Variants in SLC18A1 observed in about 807,000 individuals in gnomAD.
SLC18A1 encodes the protein solute carrier family 18 member A1.
Under a neutral mutation model 53.7 loss-of-function variants are expected in SLC18A1, and 69 were observed. That is an observed-to-expected ratio of 1.28 (90% CI 1.06 to 1.57). SLC18A1 has a LOEUF of 1.57. Among genes scored for constraint, SLC18A1 ranks in the 40% most tolerant of loss-of-function variants. SLC18A1 has a pLI of 0.00. For missense variants in SLC18A1, 932 were observed against 668.1 expected, an observed-to-expected ratio of 1.40 and a Z score of -4.35; for synonymous variants, 320 against 248.1, an observed-to-expected ratio of 1.29 and a Z score of -2.72.
At chr8:20,160,874 G>A (rs926238468) in intron 10 of SLC18A1, among the ~76,000 whole-genome samples, 1 of 151,952 alleles carries the variant, frequency 6.6e-6, no homozygotes, top group African/African-American at 2.4e-5. Flanking sequence ...ATGGAGAAAG[G>A]GCATTTGAGA....
chr8:20,174,268 A>G, intron 5 of SLC18A1, 93 bp downstream of exon 5: 1 of 978,666 alleles, frequency 1.0e-6, no homozygotes, highest in Non-Finnish European at 1.6e-6. Context: ...ATTTTCCTTA[A>G]TTTCTCCATG....
intron 8 of SLC18A1, among the ~76,000 whole-genome samples, chr8:20,166,526 G>A (rs1355805944): frequency 6.6e-6 from 1 of 151,472 alleles, no homozygotes; most frequent in Non-Finnish European, 1.5e-5. Context: ...ACACAGGAAA[G>A]ACAAACCAGA....
chr8:20,166,037 G>A lies in SLC18A1; in HGVS notation c.859-930C>T, dbSNP rs79697347. Among the ~76,000 whole-genome samples the A allele has an allele frequency of 6.1e-3, 924 of 151,956 alleles. 10 individuals are homozygous for A. The highest frequency in any genetic ancestry group is 0.021 in the African/African-American group (887 of 41,398). ...TCATTCGCTTACCCAATTATTATTC[G>A]AAGTAAAGAAACTGATGTAAATCAT... On this transcript the variant is annotated intron_variant, in intron 8 of 15. Coordinates refer to ENST00000276373, the MANE Select transcript of SLC18A1 (RefSeq NM_003053.4).
rs2072206667 is a variant in SLC18A1, at chr8:20,174,442, A to G, written c.550T>C (p.Phe184Leu). 2 of 1,612,640 alleles carry G rather than the reference A, an allele frequency of 1.2e-6. No homozygotes were observed. Among genetic ancestry groups the G allele is most frequent in the African/African-American group, 2.7e-5 (2 of 74,874 alleles). Residue 184 changes from phenylalanine (F) to leucine (L), a missense_variant and splice_region_variant, in exon 5 of 16, where the codon TTT (phenylalanine) becomes CTT (leucine). Coordinates refer to ENST00000276373, the MANE Select transcript of SLC18A1 (RefSeq NM_003053.4). ...AGAGTATAGGTCCCAGAAAAAGCAA[A>G]CACTGGGCAGAGAGAATAGCAAGAT... Reference protein sequence around the residue: ...FVIMFLSTVMFAFSGTYTLLF... With the variant: ...FVIMFLSTVMLAFSGTYTLLF...
chr8:20,173,238 T>G, intron 5 of SLC18A1, 110 bp from the exon 6 acceptor site: 2 of 785,790 alleles, frequency 2.5e-6, no homozygotes, highest in East Asian at 5.4e-5. Context: ...AGCTAGAGTT[T>G]CAGTTTGAGG....
chr8:20,159,293 G>A (rs1056395248), intron 10 of SLC18A1, among the ~76,000 whole-genome samples: 1 of 152,148 alleles, frequency 6.6e-6, no homozygotes, highest in Non-Finnish European at 1.5e-5. Flanking sequence ...TTTTCCTGTT[G>A]AGAGGGGGTA....
chr8:20,180,774 C>T, intron 2 of SLC18A1, 67 bp downstream of exon 2: 2 of 1,583,294 alleles, frequency 1.3e-6, no homozygotes, highest in Non-Finnish European at 1.7e-6. Flanking sequence ...TGAACTCAAG[C>T]AGGGTGTACA....
chr8:20,173,051 C>T lies in SLC18A1; in HGVS notation c.709G>A (p.Ala237Thr), dbSNP rs1353231355. 6.3e-7 allele frequency: 1 copy of T among 1,588,990 alleles called. No homozygotes were observed. The highest frequency in any genetic ancestry group is 8.6e-7 in the Non-Finnish European group (1 of 1,168,026). Residue 237 changes from alanine (A) to threonine (T), a missense_variant, in exon 6 of 16, where the codon GCC (alanine) becomes ACC (threonine). Physicochemically the swap from Ala to Thr is moderately conservative, Grantham distance 58. Transcript: ENST00000276373. ...TGCCACTTACCCAGCAACCCCAAGG[C>T]CAGGCCCCCCAGAGCAGTTCCCATG... ...RAMGTALGGLALGLLVGAPFG... is the reference protein window; with the variant it reads ...RAMGTALGGLTLGLLVGAPFG...
At chr8:20,149,245 A>AT (rs1355222130) in intron 12 of SLC18A1, among the ~76,000 whole-genome samples, 1 of 152,152 alleles carries the variant, frequency 6.6e-6, no homozygotes, top group Non-Finnish European at 1.5e-5. Context: ...TGGGACATAG[A>AT]TGATGGTTCC....
chr8:20,170,564 A>C (rs539054798), intron 8 of SLC18A1, among the ~76,000 whole-genome samples: 1 of 152,088 alleles, frequency 6.6e-6, no homozygotes, highest in Non-Finnish European at 1.5e-5. Flanking sequence ...TTTGGCTTAG[A>C]GTCAAACAAG....
intron 4 of SLC18A1, among the ~76,000 whole-genome samples, chr8:20,177,413 T>C (rs1474566822): frequency 2.0e-5 from 3 of 152,140 alleles, no homozygotes; most frequent in Non-Finnish European, 4.4e-5. Flanking sequence ...GAGAGGCATG[T>C]TCTCACTCAT....
intron 4 of SLC18A1, among the ~76,000 whole-genome samples, chr8:20,177,726 A>G (rs1459496990): frequency 2.6e-5 from 4 of 152,214 alleles, no homozygotes; most frequent in African/African-American, 9.6e-5. Flanking sequence ...ATCGGGAACC[A>G]AGGCTGGATC....
chr8:20,168,979 G>C lies in SLC18A1; in HGVS notation c.858+2124C>G, dbSNP rs141692970. On this transcript the variant is annotated intron_variant, in intron 8 of 15. Transcript: ENST00000276373. ...CTAGGCAGAAAGGAAATTTAAGGAG[G>C]AGTAGGAGATTTATATGACTTTACA... is the stretch of plus-strand genomic sequence containing the variant. Among the ~76,000 whole-genome samples the C allele has an allele frequency of 9.9e-3, 1,505 of 152,190 alleles. 17 individuals are homozygous for C. Among genetic ancestry groups the C allele is most frequent in the Middle Eastern group, 0.024 (7 of 294 alleles).
At chr8:20,176,010 A>AC (rs892365439) in intron 4 of SLC18A1, 5 of 152,060 alleles carry the variant, frequency 3.3e-5, no homozygotes, top group African/African-American at 1.2e-4. Context: ...AACTCAAAAT[A>AC]CCCCACAAAA....
intron 10 of SLC18A1, among the ~76,000 whole-genome samples, chr8:20,157,399 A>G (rs966858017): frequency 6.6e-6 from 1 of 152,216 alleles, no homozygotes; most frequent in Non-Finnish European, 1.5e-5. Context: ...CCCACAGGCC[A>G]GTAGGCAGTT....
chr8:20,158,189 C>A (rs924391897), intron 10 of SLC18A1, among the ~76,000 whole-genome samples: 11 of 152,186 alleles, frequency 7.2e-5, no homozygotes, highest in African/African-American at 2.7e-4. Flanking sequence ...ACTGGTGCAG[C>A]CTTCTCAGTC....
chr8:20,181,009 G>A lies in SLC18A1; in HGVS notation c.-45C>T, dbSNP rs375516026. 4.4e-4 allele frequency: 685 copies of A among 1,544,360 alleles called. No individual in the cohort carries two copies. Among genetic ancestry groups the A allele is most frequent in the Non-Finnish European group, 5.5e-4 (625 of 1,142,876 alleles). ...CAGTCTTCCCCTGCGGGCTCTTAGG[G>A]AAGGTCCTGTGACAGCTACAGGTCT... is the stretch of plus-strand genomic sequence containing the variant. On this transcript the variant is annotated 5_prime_UTR_variant, in exon 2 of 16. Coordinates refer to ENST00000276373, the MANE Select transcript of SLC18A1 (RefSeq NM_003053.4).
chr8:20,175,644 G>A (rs558327293), intron 4 of SLC18A1: 9 of 152,284 alleles, frequency 5.9e-5, no homozygotes, highest in Non-Finnish European at 8.8e-5. Flanking sequence ...TGGTGGTCAG[G>A]GTAGTTAAGT....
chr8:20,179,308 C>T lies in SLC18A1; in HGVS notation c.301G>A (p.Ala101Thr), dbSNP rs17222218. 6.2e-7 allele frequency: 1 copy of T among 1,614,190 alleles called. No homozygotes were observed. The highest frequency in any genetic ancestry group is 1.1e-5 in the South Asian group (1 of 91,086). ...AVEESVPSGI[A>T]WMNDTASTIP... The stretch of plus-strand genomic sequence containing the variant: ...GTGCTGGCAGTGTCATTCATCCATG[C>T]TATTCCACTAGGTACGCTTTCTTCA... The change falls in exon 3 of 16, where the codon GCA (alanine) becomes ACA (threonine). Residue 101 changes from alanine to threonine, a missense_variant. Physicochemically the swap from Ala to Thr is moderately conservative, Grantham distance 58. Transcript: ENST00000276373.
Sources: allele counts gnomAD v4.1 joint callset (sites outside exome capture counted in the v4.1 genomes callset), GRCh38; gene constraint gnomAD v4.1.1; transcripts MANE v1.5; gene names NCBI Gene and HGNC (gene_info 2026-07-23, HGNC 2026-07-21).